The following KAZN variants were observed in gnomAD, a reference collection of about 807,000 sequenced individuals.
KAZN encodes the protein kazrin.
In KAZN, 40 loss-of-function variants were observed where a neutral mutation model predicts 87.4. That is an observed-to-expected ratio of 0.46 (90% CI 0.36 to 0.60). KAZN has a LOEUF of 0.60. Among genes scored for constraint, KAZN ranks in the 20% least tolerant of loss-of-function variants. The pLI is 0.00. For synonymous variants in KAZN, 466 were observed against 458.3 expected (o/e 1.02, Z -0.22); for missense variants, 898 against 1,073.9 (o/e 0.84, Z 2.29).
chr1:14,356,207 G>T (rs1008578730), intron 2 of KAZN, among the ~76,000 whole-genome samples: 6 of 152,010 alleles, frequency 3.9e-5, no homozygotes, highest in Admixed American at 6.6e-5. Flanking sequence ...TCATGTGTTT[G>T]TTGGCCTCAT....
intron 4 of KAZN, among the ~76,000 whole-genome samples, chr1:15,049,616 G>C (rs1674083259): frequency 6.6e-6 from 1 of 152,154 alleles, no homozygotes; most frequent in African/African-American, 2.4e-5. Flanking sequence ...TATCTGTCTG[G>C]GCCTGGGCTG....
intron 1 of KAZN, among the ~76,000 whole-genome samples, chr1:14,759,999 G>A (rs964351241): frequency 3.3e-5 from 5 of 151,690 alleles, no homozygotes; most frequent in African/African-American, 4.8e-5. Context: ...CCCTCCTCCC[G>A]TGACTGACCC....
intron 4 of KAZN, among the ~76,000 whole-genome samples, chr1:15,048,749 T>G: frequency 6.8e-6 from 1 of 147,746 alleles, no homozygotes; most frequent in African/African-American, 2.5e-5. Context: ...CGATCCTGGG[T>G]CGTCGATCCT....
intron 13 of KAZN, among the ~76,000 whole-genome samples, chr1:15,110,364 G>GTGTATA (rs1408535801): frequency 2.1e-5 from 3 of 143,076 alleles, no homozygotes; most frequent in Non-Finnish European, 4.5e-5. Flanking sequence ...GTGTGTATGT[G>GTGTATA]TGTATATGTA....
At chr1:13,975,983 T>C (rs1638339685) in intron 1 of KAZN, among the ~76,000 whole-genome samples, 1 of 152,242 alleles carries the variant, frequency 6.6e-6, no homozygotes, top group Admixed American at 6.5e-5. Context: ...GGACAATTAA[T>C]TTTGTTCAGT....
At chr1:14,990,565 C>T (rs1437008528) in intron 2 of KAZN, among the ~76,000 whole-genome samples, 1 of 152,142 alleles carries the variant, frequency 6.6e-6, no homozygotes, top group Admixed American at 6.5e-5. Context: ...GGAACACAGC[C>T]ATGCCCATTT....
rs77803624 is a variant in KAZN at position 14,989,933 on chromosome 1, G to T, written c.418+29058G>T. Among the ~76,000 whole-genome samples, 11 of 152,314 alleles carry T rather than the reference G, an allele frequency of 7.2e-5. No individual in the cohort carries two copies. In the East Asian group the frequency reaches 2.1e-3, roughly 29 times the overall value. On this transcript the variant is annotated intron_variant, in intron 2 of 14. Coordinates refer to ENST00000376030, the MANE Select transcript of KAZN (RefSeq NM_201628.3). ...CATTGGAGCAGAGGAGATAGGCATC[G>T]ATGTTTAACCAGTAGCTGCCGTGGG...
chr1:14,968,372 C>T (rs956819267), intron 2 of KAZN, among the ~76,000 whole-genome samples: 4 of 152,138 alleles, frequency 2.6e-5, no homozygotes, highest in South Asian at 4.1e-4. Flanking sequence ...GATGAAACTT[C>T]GCTCGCTCGC....
chr1:14,481,138 G>C (rs1669059794), intron 2 of KAZN, among the ~76,000 whole-genome samples: 2 of 151,958 alleles, frequency 1.3e-5, no homozygotes, highest in African/African-American at 4.8e-5. Flanking sequence ...GGTCAGGAGA[G>C]GGCTGCAGGA....
In KAZN at chr1:14,949,155, A is replaced by T. The variant is rs563355187; in HGVS notation, c.227-11529A>T. On this transcript the variant is annotated intron_variant, in intron 1 of 14. Coordinates refer to ENST00000376030, the MANE Select transcript of KAZN (RefSeq NM_201628.3). The surrounding 1 kb of genome is among the most constrained non-coding windows in gnomAD (Gnocchi z 4.3). ...GCAACAGAGTGAGACTCCGACTCAA[A>T]AATAATAATAATAATAATAATAATA... Among the ~76,000 whole-genome samples the T allele has an allele frequency of 8.3e-5, 12 of 143,860 alleles. No homozygotes were observed. The highest frequency in any genetic ancestry group is 2.8e-4 in the African/African-American group (11 of 38,916). The allele number at this position is 143,860 out of a possible 152,430, so 94.4% of individuals were successfully genotyped here. A position where few individuals can be genotyped will look rare whatever the true frequency, so the allele number is the denominator to read the frequency against.
chr1:14,415,899 A>C (rs1266899003), intron 2 of KAZN, among the ~76,000 whole-genome samples: 1 of 152,130 alleles, frequency 6.6e-6, no homozygotes, highest in Non-Finnish European at 1.5e-5. Flanking sequence ...AAGCATGGCC[A>C]CCCAGCACCT....
intron 1 of KAZN, among the ~76,000 whole-genome samples, chr1:14,834,564 T>A (rs547110239): frequency 1.1e-3 from 162 of 151,954 alleles, no homozygotes; most frequent in South Asian, 4.6e-3. Context: ...GGTTTCACCG[T>A]GTTAGCCAGG....
intron 2 of KAZN, among the ~76,000 whole-genome samples, chr1:14,317,150 C>A (rs75792091): frequency 6.6e-6 from 1 of 151,792 alleles, no homozygotes; most frequent in Non-Finnish European, 1.5e-5. Flanking sequence ...TCACTACTTG[C>A]GGATATGTGA....
intron 1 of KAZN, among the ~76,000 whole-genome samples, chr1:14,736,257 GTGTGTGTGTGT>G (rs1643896688): frequency 4.6e-4 from 46 of 99,594 alleles, no homozygotes; most frequent in South Asian, 2.4e-3. Flanking sequence ...ACTCAAGGGT[GTGTGTGTGTGT>G]GTGTGTGTGT....
At chr1:13,939,866 G>A (rs1459156652) in intron 1 of KAZN, among the ~76,000 whole-genome samples, 2 of 152,216 alleles carry the variant, frequency 1.3e-5, no homozygotes, top group African/African-American at 4.8e-5. Context: ...GGGAGCAAGA[G>A]GGTGGTGGGG....
At chr1:14,748,241 T>A (rs1207557966) in intron 1 of KAZN, among the ~76,000 whole-genome samples, 1 of 152,226 alleles carries the variant, frequency 6.6e-6, no homozygotes, top group African/African-American at 2.4e-5. Flanking sequence ...TGAATCTTCA[T>A]GAGCCTTCAA....
Position 14,089,220 on chromosome 1 carries a change from GTCTTGCCGTTTTA to G in KAZN, c.92-91212_92-91200del, listed in dbSNP as rs550172665. ...TTTAAAATAGTTAGAATGTAGATGG[GTCTTGCCGTTTTA>G]TCCAATCTGACAATCTATGTCTTTT... On this transcript the variant is annotated intron_variant, in intron 1 of 16. Coordinates refer to the KAZN transcript ENST00000636203. Among the ~76,000 whole-genome samples the G allele has an allele frequency of 6.2e-4, 94 of 151,904 alleles. 1 individual carries two copies. The South Asian group carries it at 0.015, about 24-fold the overall frequency.
At chr1:14,586,740 T>C (rs1469180240) in intron 2 of KAZN, among the ~76,000 whole-genome samples, 1 of 152,050 alleles carries the variant, frequency 6.6e-6, no homozygotes, top group Non-Finnish European at 1.5e-5. Context: ...GGGTCTCGCT[T>C]TGTTGCCCAG....
At chr1:14,677,744 G>C (rs920359051) in intron 1 of KAZN, among the ~76,000 whole-genome samples, 2 of 152,194 alleles carry the variant, frequency 1.3e-5, no homozygotes, top group African/African-American at 4.8e-5. Flanking sequence ...AAGAGAGACC[G>C]AGGATGTGGC....
Sources: gnomAD v4.1 joint callset for allele counts (sites outside exome capture counted in the v4.1 genomes callset) on GRCh38, gnomAD v4.1.1 for gene constraint, Gnocchi (gnomAD v3.1) non-coding constraint, MANE v1.5 for transcripts, NCBI Gene and HGNC (gene_info 2026-07-23, HGNC 2026-07-21) for gene names.